The following MAGI3 variants were observed in gnomAD, a reference collection of about 807,000 sequenced individuals.
MAGI3 encodes membrane associated guanylate kinase, WW and PDZ domain containing 3.
Under a neutral mutation model 121.8 loss-of-function variants are expected in MAGI3, and 43 were observed. That is an observed-to-expected ratio of 0.35 (90% CI 0.28 to 0.46). MAGI3 has a LOEUF of 0.46. Among genes scored for constraint, MAGI3 ranks in the 20% least tolerant of loss-of-function variants. The pLI is 1.00. For synonymous variants in MAGI3, 553 were observed against 639.3 expected, an observed-to-expected ratio of 0.86 and a Z score of 2.04; for missense variants, 1,547 against 1,797.3, an observed-to-expected ratio of 0.86 and a Z score of 2.52.
At chr1:113,678,764 GACC>G (rs1557888659) in intron 19 of MAGI3, among the ~76,000 whole-genome samples, 1 of 152,150 alleles carries the variant, frequency 6.6e-6, no homozygotes, top group Non-Finnish European at 1.5e-5. Context: ...AAAAAAATGA[GACC>G]ACAACACTAG....
chr1:113,512,070 G>T (rs1167971932), intron 1 of MAGI3, among the ~76,000 whole-genome samples: 1 of 152,042 alleles, frequency 6.6e-6, no homozygotes, highest in Non-Finnish European at 1.5e-5. Context: ...ATTTGAAAAC[G>T]TTCAAATGCC....
At chr1:113,575,659 G>GC (rs1647583069) in intron 2 of MAGI3, among the ~76,000 whole-genome samples, 1 of 152,212 alleles carries the variant, frequency 6.6e-6, no homozygotes, top group African/African-American at 2.4e-5. Context: ...CGGTCAGAAG[G>GC]CATGGGGGTC....
At chr1:113,427,994 A>G (rs1479552771) in intron 1 of MAGI3, among the ~76,000 whole-genome samples, 1 of 151,940 alleles carries the variant, frequency 6.6e-6, no homozygotes, top group African/African-American at 2.4e-5. Flanking sequence ...ATTAAAGTAT[A>G]TACAATGAAT....
intron 1 of MAGI3, among the ~76,000 whole-genome samples, chr1:113,424,321 A>T (rs763046700): frequency 1.3e-5 from 2 of 151,676 alleles, no homozygotes; most frequent in African/African-American, 4.8e-5. Context: ...AGGTTTGTGT[A>T]TCTAGCACCA....
At chr1:113,578,103 G>A (rs1046624003) in intron 2 of MAGI3, among the ~76,000 whole-genome samples, 3 of 152,134 alleles carry the variant, frequency 2.0e-5, no homozygotes, top group Non-Finnish European at 2.9e-5. Flanking sequence ...GGCTAAGATG[G>A]CCTCATTCAT....
chr1:113,590,645 A>G lies in MAGI3; in HGVS notation c.925A>G (p.Ile309Val), dbSNP rs1288346619. 6.2e-7 allele frequency: 1 copy of G among 1,613,396 alleles called. No individual in the cohort carries two copies. The highest frequency in any genetic ancestry group is 1.3e-5 in the African/African-American group (1 of 75,002). The change falls in exon 5 of 21, where the codon ATC becomes GTC. Residue 309 changes from isoleucine to valine, a missense_variant. Transcript: ENST00000307546. ...WEMAYTDTGM[I>V]YFIDHNTKTT... is the part of the protein sequence containing the mutation. Reference sequence around the variant, plus strand: ...AATGGCCTACACTGACACAGGGATGATCTACTTCATTGAGTAAGCAAATGT... The same window carrying G: ...AATGGCCTACACTGACACAGGGATGGTCTACTTCATTGAGTAAGCAAATGT...
intron 9 of MAGI3, among the ~76,000 whole-genome samples, chr1:113,641,091 TTATATATATGATATATA>T (rs1557869121): frequency 3.0e-4 from 6 of 20,206 alleles, no homozygotes; most frequent in African/African-American, 9.4e-4. Flanking sequence ...GAGATATATA[TTATATATATGATATATA>T]AATATATATG....
chr1:113,527,040 T>C (rs145485404), intron 1 of MAGI3, among the ~76,000 whole-genome samples: 1 of 152,278 alleles, frequency 6.6e-6, no homozygotes, highest in East Asian at 1.9e-4. Context: ...ACTAAAAGAA[T>C]TAATATATGT....
chr1:113,576,997 A>C (rs1647688786), intron 2 of MAGI3: 1 of 152,204 alleles, frequency 6.6e-6, no homozygotes, highest in Non-Finnish European at 1.5e-5. Context: ...TTCCATTCAT[A>C]CGAGGTTGCA....
chr1:113,433,209 G>A (rs1456873263), intron 1 of MAGI3, among the ~76,000 whole-genome samples: 1 of 152,030 alleles, frequency 6.6e-6, no homozygotes, highest in Non-Finnish European at 1.5e-5. Context: ...GCTGACAGTT[G>A]GCATTATGTT....
chr1:113,642,999 G>A (rs79093794), intron 10 of MAGI3, among the ~76,000 whole-genome samples: 1 of 152,324 alleles, frequency 6.6e-6, no homozygotes, highest in East Asian at 1.9e-4. Context: ...AATCATGATA[G>A]CATGTGCTCA....
At chr1:113,515,135 A>C (rs1030340731) in intron 1 of MAGI3, among the ~76,000 whole-genome samples, 11 of 152,128 alleles carry the variant, frequency 7.2e-5, no homozygotes, top group Non-Finnish European at 1.0e-4. Flanking sequence ...GAGAAGGAGA[A>C]AACCATTTCT....
At chr1:113,464,926 G>T (rs1264169822) in intron 1 of MAGI3, among the ~76,000 whole-genome samples, 1 of 152,068 alleles carries the variant, frequency 6.6e-6, no homozygotes, top group African/African-American at 2.4e-5. Context: ...AATTTGCAAA[G>T]ATTTTCTCTC....
At chr1:113,625,382 A>G (rs1651180152) in intron 9 of MAGI3, among the ~76,000 whole-genome samples, 1 of 152,150 alleles carries the variant, frequency 6.6e-6, no homozygotes. Context: ...TTGCATCAGC[A>G]TTTTATAATT....
At chr1:113,643,610 G>C (rs1652670135) in intron 10 of MAGI3, 133 bp from the exon 11 acceptor site, 2 of 759,708 alleles carry the variant, frequency 2.6e-6, no homozygotes, top group African/African-American at 1.7e-5. Flanking sequence ...ATAATGCCTG[G>C]TACATAGGAG....
chr1:113,493,385 A>G (rs1570755869), intron 1 of MAGI3, among the ~76,000 whole-genome samples: 1 of 152,262 alleles, frequency 6.6e-6, no homozygotes, highest in South Asian at 2.1e-4. Context: ...ATAAAAAATT[A>G]AGCTGGATTA....
chr1:113,682,130 T>C lies in MAGI3; in HGVS notation c.3329-767T>C, dbSNP rs566712345. ...CCACCATCTGCTTGTAAATCATATG[T>C]TCCCAGTGACATCTTTGCTAACTGC... On this transcript the variant is annotated intron_variant, in intron 20 of 20. Transcript: ENST00000307546. 1,384 of 1,471,606 alleles carry C rather than the reference T, an allele frequency of 9.4e-4. 24 individuals carry two copies. The South Asian group carries it at 0.014, about 15-fold the overall frequency. The allele number at this position is 1,471,606 out of a possible 1,614,324, so 91.2% of individuals were successfully genotyped here.
rs577960150 is a variant in MAGI3, at chr1:113,485,214, T to C, written c.317-64301T>C. Among the ~76,000 whole-genome samples the C allele has an allele frequency of 3.3e-5, 5 of 152,340 alleles. No homozygotes were observed. The East Asian group carries it at 9.7e-4, about 29-fold the overall frequency. ...TTGCTGGATCAAATGGTAGATCTACTTTTAGTTCTTTAAGGAATCTTCACA... is the reference window on the plus strand; with the variant it reads ...TTGCTGGATCAAATGGTAGATCTACCTTTAGTTCTTTAAGGAATCTTCACA... On this transcript the variant is annotated intron_variant, in intron 1 of 20. Transcript: ENST00000307546.
In MAGI3 at chr1:113,659,206, T is replaced by C; in HGVS notation, c.2756T>C (p.Ile919Thr). 6.2e-7 allele frequency: 1 copy of C among 1,614,012 alleles called. No individual in the cohort carries two copies. The highest frequency in any genetic ancestry group is 8.5e-7 in the Non-Finnish European group (1 of 1,179,954). The change falls in exon 16 of 21, where the codon ATT (isoleucine) becomes ACT (threonine). Residue 919 changes from isoleucine to threonine, a missense_variant. By Grantham distance (89) the Ile-to-Thr change is moderately conservative. Coordinates refer to ENST00000307546, the MANE Select transcript of MAGI3 (RefSeq NM_001142782.2). ...ATTGTTGAACTGTCTCATGATAACA[T>C]TGTTCAGCTGATCAAAGATGCTGGT... ...QSIVELSHDNIVQLIKDAGVT... is the reference protein window; with the variant it reads ...QSIVELSHDNTVQLIKDAGVT...
Sources: allele counts gnomAD v4.1 joint callset (sites outside exome capture counted in the v4.1 genomes callset), GRCh38; gene constraint gnomAD v4.1.1; transcripts MANE v1.5; gene names NCBI Gene and HGNC (gene_info 2026-07-23, HGNC 2026-07-21).